The following ELP5 variants were observed in gnomAD, a reference collection of about 807,000 sequenced individuals.
ELP5 encodes elongator complex protein 5.
In ELP5, 34 loss-of-function variants were observed where a neutral mutation model predicts 33.4. That is an observed-to-expected ratio of 1.02 (90% CI 0.78 to 1.36). The LOEUF is 1.36. Among genes scored for constraint, ELP5 ranks in the 40% most tolerant of loss-of-function variants. The pLI is 0.00. For missense variants in ELP5, 373 were observed against 371.7 expected, an observed-to-expected ratio of 1.00 and a Z score of -0.03; for synonymous variants, 161 against 146.4, an observed-to-expected ratio of 1.10 and a Z score of -0.72.
At position 7,256,891 on chromosome 17, in the gene ELP5, G is replaced by A; in HGVS notation, c.444G>A (p.Leu148=). 6.2e-7 allele frequency: 1 copy of A among 1,614,182 alleles called. No homozygotes were observed. The highest frequency in any genetic ancestry group is 8.5e-7 in the Non-Finnish European group (1 of 1,180,036). Residue 148 remains leucine, a synonymous_variant, in exon 5 of 8, where the codon CTG becomes CTA. Coordinates refer to ENST00000396628, the MANE Select transcript of ELP5 (RefSeq NM_203414.3). ...CCTCAGTGGGGAAAGTGAGTGTGCT[G>A]GGCTTGCTACATGAAGAGCTTCATG... The part of the protein sequence containing the change: ...DSSSVGKVSV[L]GLLHEELHGP...
intron 5 of ELP5, among the ~76,000 whole-genome samples, chr17:7,258,158 TAAA>T (rs1427137386): frequency 6.6e-6 from 1 of 151,918 alleles, no homozygotes; most frequent in East Asian, 2.0e-4. Context: ...CTTTTGAAAA[TAAA>T]ATAGAGGCTG....
chr17:7,258,984 G>C (rs1567594385), intron 7 of ELP5, 58 bp downstream of exon 7: 20 of 1,610,206 alleles, frequency 1.2e-5, no homozygotes, highest in Non-Finnish European at 1.4e-5. Flanking sequence ...CTGGGCCATG[G>C]AGAGGTTGGG....
At position 7,259,702 on chromosome 17, in the gene ELP5, A is replaced by T; in HGVS notation, c.*17A>T. ...GATATTTGACTGGCCAGATTTGATTAGATTGTAATTGGAGGGGGCGCGGGA... is the reference window on the plus strand; with the variant it reads ...GATATTTGACTGGCCAGATTTGATTTGATTGTAATTGGAGGGGGCGCGGGA... On this transcript the variant is annotated 3_prime_UTR_variant, in exon 8 of 8. Transcript: ENST00000396628. The T allele has an allele frequency of 6.2e-7, 1 of 1,614,144 alleles. No individual in the cohort carries two copies. The highest frequency in any genetic ancestry group is 8.5e-7 in the Non-Finnish European group (1 of 1,180,008).
In ELP5 at chr17:7,252,497, T is replaced by A; in HGVS notation, c.-54T>A. 6.2e-7 allele frequency: 1 copy of A among 1,613,418 alleles called. No individual in the cohort carries two copies. Among genetic ancestry groups the A allele is most frequent in the Non-Finnish European group, 8.5e-7 (1 of 1,179,772 alleles). ...GTTTCACCCCGAGGAGGAAGGACACTGGGTCATGACGCCATCAGAGGGCGC... is the reference window on the plus strand; with the variant it reads ...GTTTCACCCCGAGGAGGAAGGACACAGGGTCATGACGCCATCAGAGGGCGC... On this transcript the variant is annotated 5_prime_UTR_variant, in exon 1 of 8. Transcript: ENST00000396628.
chr17:7,252,227 C>G lies in ELP5; in HGVS notation c.-324C>G, dbSNP rs534842126. 8.9e-6 allele frequency: 4 copies of G among 447,466 alleles called. No individual in the cohort carries two copies. The East Asian group carries it at 1.9e-4, about 21-fold the overall frequency. 27.7% of individuals were successfully genotyped at this position (447,466 alleles called of 1,614,324 possible). Reference sequence around the variant, plus strand: ...GGAGAGTGACGTCACTTGGCCCGCGCTTAGGGCCCTCGCGGGGGGCTTGTG... The same window carrying G: ...GGAGAGTGACGTCACTTGGCCCGCGGTTAGGGCCCTCGCGGGGGGCTTGTG... On this transcript the variant is annotated 5_prime_UTR_variant, in exon 1 of 8. Transcript: ENST00000396628.
At chr17:7,252,740 C>T (rs1597579705) in intron 1 of ELP5, 30 bp from the exon 2 acceptor site, 1 of 1,613,996 alleles carries the variant, frequency 6.2e-7, no homozygotes. Context: ...CCAGCGCTCT[C>T]ATACCCTTTA....
In ELP5 at chr17:7,256,847, C is replaced by T. The variant is rs756461570; in HGVS notation, c.410-10C>T. 1.3e-5 allele frequency: 21 copies of T among 1,613,946 alleles called. No homozygotes were observed. The highest frequency in any genetic ancestry group is 1.1e-4 in the South Asian group (10 of 91,090). On this transcript the variant is annotated splice_polypyrimidine_tract_variant and intron_variant, in intron 4 of 7. Coordinates refer to ENST00000396628, the MANE Select transcript of ELP5 (RefSeq NM_203414.3). ...CTCCCTACTATCCTACATTTCTTGT[C>T]CTCCTCTAGGTGACAGCTCCTCAGT...
chr17:7,252,150 C>CGCGGGGCGGGGCCTGAG (rs1259084888), upstream of ELP5: 32 of 360,318 alleles, frequency 8.9e-5, no homozygotes, highest in African/African-American at 6.9e-4. Flanking sequence ...AGAAGGTGGC[C>CGCGGGGCGGGGCCTGAG]GCGGGGCGGG....
chr17:7,254,268 C>T (rs955827021), intron 3 of ELP5, among the ~76,000 whole-genome samples: 2 of 152,164 alleles, frequency 1.3e-5, no homozygotes, highest in Non-Finnish European at 2.9e-5. Context: ...ATTTATCAGG[C>T]ATATACTATG....
chr17:7,258,302 A>C (rs2072122895), intron 5 of ELP5, among the ~76,000 whole-genome samples: 1 of 151,468 alleles, frequency 6.6e-6, no homozygotes, highest in South Asian at 2.1e-4. Context: ...GACAAAAATT[A>C]GCTGGGTGTG....
In ELP5 at chr17:7,259,664, A is replaced by G; in HGVS notation, c.882A>G (p.Pro294=). Residue 294 remains proline, a synonymous_variant, in exon 8 of 8, where the codon CCA becomes CCG. Transcript: ENST00000396628. ...ATGATGACCTGGACCAAGAAGACCC[A>G]GATGACGACCTGGATATTTGACTGG... is the stretch of plus-strand genomic sequence containing the variant. ...DAYDDLDQED[P]DDDLDI 1 of 1,614,236 alleles carries G rather than the reference A, an allele frequency of 6.2e-7. No homozygotes were observed. Among genetic ancestry groups the G allele is most frequent in the Non-Finnish European group, 8.5e-7 (1 of 1,180,030 alleles).
At chr17:7,257,091 G>A in intron 5 of ELP5, 53 bp downstream of exon 5, 1 of 1,477,718 alleles carries the variant, frequency 6.8e-7, no homozygotes. Context: ...GAAAGGGGTG[G>A]CACGATGGGA....
chr17:7,259,927 T>G lies in ELP5; in HGVS notation c.*242T>G. 1 of 475,790 alleles carries G rather than the reference T, an allele frequency of 2.1e-6. No homozygotes were observed. 29.5% of individuals were successfully genotyped at this position (475,790 alleles called of 1,614,324 possible). Reference sequence around the variant, plus strand: ...GTACCTAATAAAAATCTTTATTTTTTTATTAAAAAAGAAGTACTTTGGTAG... The same window carrying G: ...GTACCTAATAAAAATCTTTATTTTTGTATTAAAAAAGAAGTACTTTGGTAG... On this transcript the variant is annotated 3_prime_UTR_variant, in exon 8 of 8. Transcript: ENST00000396628.
In ELP5 at chr17:7,252,818, A is replaced by T; in HGVS notation, c.95A>T (p.Lys32Ile). The part of the protein sequence containing the change: ...GRSLLKALVK[K>I]SALCGEQVHI... ...AGTCTCTTGAAGGCGCTTGTCAAGA[A>T]ATCTGCACTGTGGTGAGTATCCCAC... Residue 32 changes from lysine to isoleucine, a missense_variant, in exon 2 of 8, where the codon AAA becomes ATA. Physicochemically the swap from Lys to Ile is moderately radical, Grantham distance 102. Coordinates refer to ENST00000396628, the MANE Select transcript of ELP5 (RefSeq NM_203414.3). 3 of 1,614,172 alleles carry T rather than the reference A, an allele frequency of 1.9e-6. No individual in the cohort carries two copies. Among genetic ancestry groups the T allele is most frequent in the Non-Finnish European group, 2.5e-6 (3 of 1,180,022 alleles).
intron 5 of ELP5, among the ~76,000 whole-genome samples, chr17:7,258,086 C>T (rs1380326823): frequency 6.6e-6 from 1 of 151,470 alleles, no homozygotes; most frequent in African/African-American, 2.4e-5. Context: ...AGTAAGTGGG[C>T]TGCTCTGCCT....
intron 5 of ELP5, 32 bp downstream of exon 5, chr17:7,257,070 C>T (rs1420773976): frequency 7.3e-6 from 11 of 1,511,428 alleles, no homozygotes; most frequent in East Asian, 2.3e-5. Context: ...GGACTGGAAA[C>T]GGGGGACAGA....
intron 5 of ELP5, among the ~76,000 whole-genome samples, chr17:7,257,901 C>G (rs2072112944): frequency 6.6e-6 from 1 of 152,102 alleles, no homozygotes; most frequent in Admixed American, 6.6e-5. Flanking sequence ...AATCTCATCT[C>G]TACTAAAAAT....
intron 5 of ELP5, among the ~76,000 whole-genome samples, chr17:7,258,054 T>A (rs972287774): frequency 1.0e-4 from 14 of 139,626 alleles, no homozygotes; most frequent in African/African-American, 3.5e-4. Flanking sequence ...GGCAACAGAG[T>A]GAGACTCCGT....
chr17:7,257,769 G>T (rs2072110215), intron 5 of ELP5, among the ~76,000 whole-genome samples: 1 of 152,148 alleles, frequency 6.6e-6, no homozygotes, highest in Admixed American at 6.6e-5. Context: ...ACTTACCAAG[G>T]TTATAAAGTG....
Sources: allele counts gnomAD v4.1 joint callset (sites outside exome capture counted in the v4.1 genomes callset), GRCh38; gene constraint gnomAD v4.1.1; transcripts MANE v1.5; gene names NCBI Gene and HGNC (gene_info 2026-07-23, HGNC 2026-07-21).